The following RIMS2 variants were observed in gnomAD, a reference collection of about 807,000 sequenced individuals.
RIMS2 encodes the protein regulating synaptic membrane exocytosis 2.
In RIMS2, 59 loss-of-function variants were observed where a neutral mutation model predicts 174.4. That is an observed-to-expected ratio of 0.34 (90% CI 0.27 to 0.42). The LOEUF is 0.42. RIMS2 is among the 10% of genes least tolerant of loss of function. The pLI, the probability that RIMS2 is intolerant of heterozygous loss-of-function variation, is 1.00. For synonymous variants in RIMS2, 606 were observed against 572.5 expected (o/e 1.06, Z -0.84); for missense variants, 1,620 against 1,666.3 (o/e 0.97, Z 0.48).
At chr8:103,585,353 A>G (rs187865957) in intron 1 of RIMS2, among the ~76,000 whole-genome samples, 9 of 152,300 alleles carry the variant, frequency 5.9e-5, no homozygotes, top group Non-Finnish European at 4.4e-5. Flanking sequence ...AACCAGAAAT[A>G]CTGTTTGACC....
intron 19 of RIMS2, among the ~76,000 whole-genome samples, chr8:104,123,054 A>G (rs2098397380): frequency 6.6e-6 from 1 of 152,032 alleles, no homozygotes. Flanking sequence ...TTTTTATATA[A>G]TATAATTTCC....
intron 19 of RIMS2, among the ~76,000 whole-genome samples, chr8:104,051,588 AG>A (rs1267237958): frequency 6.6e-6 from 1 of 152,158 alleles, no homozygotes; most frequent in Non-Finnish European, 1.5e-5. Context: ...CTGCTCAAAA[AG>A]AAAAGGGAGA....
In RIMS2 at chr8:103,876,867, TATATATA is replaced by T. The variant is rs2099141039; in HGVS notation, c.699-8430_699-8424del. 2.4e-3 allele frequency among the ~76,000 whole-genome samples: 68 copies of T among 28,478 alleles called. 2 individuals carry two copies. Among genetic ancestry groups the T allele is most frequent in the East Asian group, 3.5e-3 (3 of 854 alleles). 18.7% of individuals were successfully genotyped at this position (28,478 alleles called of 152,430 possible). On this transcript the variant is annotated intron_variant, in intron 3 of 23. Transcript: ENST00000504942. ...ATATATACACACACACACTATTTTA[TATATATA>T]TATATATATATATATATATATATAT...
intron 19 of RIMS2, among the ~76,000 whole-genome samples, chr8:104,034,658 C>T (rs1456044471): frequency 1.3e-5 from 2 of 151,310 alleles, no homozygotes; most frequent in Admixed American, 1.3e-4. Flanking sequence ...TTAGTAGAGA[C>T]GGGGTTTCAC....
chr8:104,085,329 A>T (rs1183186042), intron 19 of RIMS2, among the ~76,000 whole-genome samples: 1 of 152,194 alleles, frequency 6.6e-6, no homozygotes, highest in East Asian at 1.9e-4. Flanking sequence ...TAAGAAAGAA[A>T]AAAGAAAAGG....
chr8:103,758,230 A>T (rs902978019), intron 2 of RIMS2, among the ~76,000 whole-genome samples: 1 of 151,996 alleles, frequency 6.6e-6, no homozygotes, highest in Admixed American at 6.5e-5. Context: ...TAATAATTTC[A>T]TGATTGCCTT....
chr8:103,787,359 C>T (rs1481761600), intron 3 of RIMS2, among the ~76,000 whole-genome samples: 1 of 151,544 alleles, frequency 6.6e-6, no homozygotes, highest in Non-Finnish European at 1.5e-5. Context: ...GCAGTTTCTT[C>T]CTAGTCTCGA....
At chr8:103,602,587 T>G (rs1274292095) in intron 1 of RIMS2, among the ~76,000 whole-genome samples, 4 of 152,234 alleles carry the variant, frequency 2.6e-5, no homozygotes, top group Admixed American at 2.0e-4. Context: ...ATTAGTTTGC[T>G]TAGGAAAGTG....
At chr8:104,116,867 A>G (rs2098285876) in intron 19 of RIMS2, among the ~76,000 whole-genome samples, 1 of 152,178 alleles carries the variant, frequency 6.6e-6, no homozygotes, top group Non-Finnish European at 1.5e-5. Flanking sequence ...TTTTTTAATG[A>G]TAAAGAGCTT....
intron 1 of RIMS2, among the ~76,000 whole-genome samples, chr8:103,569,844 G>T (rs1273142858): frequency 6.6e-6 from 1 of 151,350 alleles, no homozygotes; most frequent in South Asian, 2.1e-4. Context: ...TCTTTCGCAG[G>T]CTGGTCTTGA....
chr8:103,716,763 T>C (rs1297399089), intron 2 of RIMS2, among the ~76,000 whole-genome samples: 1 of 152,188 alleles, frequency 6.6e-6, no homozygotes, highest in Non-Finnish European at 1.5e-5. Flanking sequence ...TTCTGAAGTA[T>C]ATATTTGGCA....
At chr8:103,598,112 G>C (rs1039164484) in intron 1 of RIMS2, among the ~76,000 whole-genome samples, 1 of 152,064 alleles carries the variant, frequency 6.6e-6, no homozygotes, top group African/African-American at 2.4e-5. Context: ...TTATATGTTT[G>C]TGATCAAGTT....
chr8:103,576,282 G>C (rs1276000452), intron 1 of RIMS2, among the ~76,000 whole-genome samples: 1 of 152,126 alleles, frequency 6.6e-6, no homozygotes, highest in Non-Finnish European at 1.5e-5. Flanking sequence ...CAGCAACATG[G>C]CAGAAAAAAC....
At chr8:104,219,678 TTG>T (rs1341226464) in intron 19 of RIMS2, among the ~76,000 whole-genome samples, 1 of 152,202 alleles carries the variant, frequency 6.6e-6, no homozygotes, top group Non-Finnish European at 1.5e-5. Flanking sequence ...TGACAATTTA[TTG>T]TGTATATTTG....
At chr8:103,709,056 T>C (rs1237190125) in intron 2 of RIMS2, among the ~76,000 whole-genome samples, 2 of 152,182 alleles carry the variant, frequency 1.3e-5, no homozygotes, top group African/African-American at 4.8e-5. Flanking sequence ...CAATGTCAAA[T>C]CTGCTGTTTA....
intron 1 of RIMS2, among the ~76,000 whole-genome samples, chr8:103,539,039 T>G (rs560763765): frequency 6.6e-6 from 1 of 152,230 alleles, no homozygotes; most frequent in Non-Finnish European, 1.5e-5. Flanking sequence ...ATAAGTTATT[T>G]TTTAGAAAAT....
chr8:103,698,500 T>G (rs75784460), intron 2 of RIMS2, among the ~76,000 whole-genome samples: 9,950 of 152,322 alleles, frequency 0.065, 403 homozygotes, highest in South Asian at 0.088. Flanking sequence ...TTGAGATTAA[T>G]CATATGTTTT....
chr8:103,608,974 T>TGTAGACC (rs1453584404), intron 1 of RIMS2, among the ~76,000 whole-genome samples: 3 of 152,244 alleles, frequency 2.0e-5, no homozygotes, highest in African/African-American at 7.2e-5. Flanking sequence ...CGCTGGGAGC[T>TGTAGACC]GTAGACCGGA....
chr8:103,929,109 A>T (rs765997238), intron 11 of RIMS2, among the ~76,000 whole-genome samples: 6 of 151,796 alleles, frequency 4.0e-5, no homozygotes, highest in Non-Finnish European at 8.9e-5. Context: ...GTAAAGTTAA[A>T]ATATGCCTAT....
Sources: allele counts gnomAD v4.1 joint callset (sites outside exome capture counted in the v4.1 genomes callset), GRCh38; gene constraint gnomAD v4.1.1; transcripts MANE v1.5; gene names NCBI Gene and HGNC (gene_info 2026-07-23, HGNC 2026-07-21).